ERBB4: variants seen among roughly 807,000 people sequenced by gnomAD.
The protein encoded by ERBB4 is receptor tyrosine-protein kinase erbB-4.
A neutral mutation model predicts 158.0 loss-of-function variants in ERBB4; 42 were observed. The observed-to-expected ratio is 0.27, with a 90% CI of 0.21 to 0.34. ERBB4 has a LOEUF of 0.34. Ranked by LOEUF, ERBB4 falls within the 10% of genes least tolerant of loss-of-function variation. The pLI is 1.00. For missense variants in ERBB4, 1,333 were observed against 1,624.1 expected (o/e 0.82, Z 3.08); for synonymous variants, 583 against 558.7 (o/e 1.04, Z -0.61).
rs79096827 is a variant in ERBB4 at position 211,759,539 on chromosome 2, T to C, written c.557-8835A>G. ...CCTGCTGTTCCTAGGACATACAAGG[T>C]TCACTCCCACTTAGGGTTCTTCTGT... On this transcript the variant is annotated intron_variant, in intron 4 of 27. Transcript: ENST00000342788. 9.6e-3 allele frequency among the ~76,000 whole-genome samples: 1,465 copies of C among 152,174 alleles called. 26 individuals are homozygous for C. The highest frequency in any genetic ancestry group is 0.033 in the African/African-American group (1,386 of 41,496).
chr2:212,309,653 A>G (rs2086951397), intron 1 of ERBB4, among the ~76,000 whole-genome samples: 2 of 150,756 alleles, frequency 1.3e-5, no homozygotes, highest in Admixed American at 6.6e-5. Flanking sequence ...TCAATAACCA[A>G]ATAACAATCA....
chr2:211,491,152 T>A (rs983899403), intron 20 of ERBB4, among the ~76,000 whole-genome samples: 1 of 152,120 alleles, frequency 6.6e-6, no homozygotes, highest in Non-Finnish European at 1.5e-5. Flanking sequence ...AAAGACTGAT[T>A]CTGAAAAACT....
At chr2:211,947,217 C>A (rs1007817510) in intron 3 of ERBB4, among the ~76,000 whole-genome samples, 1 of 152,058 alleles carries the variant, frequency 6.6e-6, no homozygotes, top group Non-Finnish European at 1.5e-5. Context: ...AGCTGAGATA[C>A]AGTATTATGG....
At chr2:212,184,605 T>C (rs1471805596) in intron 1 of ERBB4, among the ~76,000 whole-genome samples, 1 of 152,000 alleles carries the variant, frequency 6.6e-6, no homozygotes, top group Non-Finnish European at 1.5e-5. Context: ...AAGAGCTCAA[T>C]AGATTGAATA....
intron 1 of ERBB4, among the ~76,000 whole-genome samples, chr2:212,432,888 G>A (rs1454725597): frequency 6.6e-6 from 1 of 152,046 alleles, no homozygotes; most frequent in Non-Finnish European, 1.5e-5. Context: ...GGATAGTAAT[G>A]GCAGCCACAA....
intron 2 of ERBB4, among the ~76,000 whole-genome samples, chr2:212,055,987 G>A (rs1323854186): frequency 6.6e-6 from 1 of 152,174 alleles, no homozygotes; most frequent in Non-Finnish European, 1.5e-5. Context: ...TCTGAGCTAA[G>A]GGAGGAAGTC....
intron 16 of ERBB4, among the ~76,000 whole-genome samples, chr2:211,646,185 G>A (rs1321613390): frequency 6.6e-6 from 1 of 151,538 alleles, no homozygotes; most frequent in Non-Finnish European, 1.5e-5. Flanking sequence ...GTATTAGTAT[G>A]TAGAGAAATG....
chr2:211,400,406 A>G (rs1216344994), intron 25 of ERBB4, among the ~76,000 whole-genome samples: 1 of 152,156 alleles, frequency 6.6e-6, no homozygotes, highest in Non-Finnish European at 1.5e-5. Context: ...ATAAGCATAC[A>G]CTTTTTATAT....
chr2:212,351,333 C>T (rs1028506261), intron 1 of ERBB4, among the ~76,000 whole-genome samples: 3 of 152,116 alleles, frequency 2.0e-5, no homozygotes, highest in Non-Finnish European at 4.4e-5. Flanking sequence ...GACTTGTAGC[C>T]TCCAGAACTA....
chr2:212,060,959 TAATAAATAAATAAATA>T (rs58630259), intron 2 of ERBB4, among the ~76,000 whole-genome samples: 7 of 145,878 alleles, frequency 4.8e-5, no homozygotes, highest in Non-Finnish European at 6.0e-5. Context: ...TAAAGTATGA[TAATAAATAAATAAATA>T]AATAAATAAA....
chr2:211,700,238 T>C (rs1044455547), intron 12 of ERBB4, among the ~76,000 whole-genome samples: 1 of 152,152 alleles, frequency 6.6e-6, no homozygotes, highest in Non-Finnish European at 1.5e-5. Flanking sequence ...ACACACATAT[T>C]GTGATATGGG....
intron 1 of ERBB4, among the ~76,000 whole-genome samples, chr2:212,189,074 T>G (rs1414064847): frequency 8.8e-5 from 6 of 68,492 alleles, no homozygotes; most frequent in Non-Finnish European, 1.7e-4. Context: ...GATTTCTAAC[T>G]TTTTTTTTGG....
intron 1 of ERBB4, 89 bp downstream of exon 1, chr2:212,538,360 C>T: frequency 1.7e-6 from 2 of 1,186,352 alleles, no homozygotes; most frequent in East Asian, 2.3e-5. Flanking sequence ...CCACGCCTCC[C>T]GGGATGGGTG....
chr2:212,164,160 G>C (rs940589663), intron 1 of ERBB4, among the ~76,000 whole-genome samples: 1 of 151,808 alleles, frequency 6.6e-6, no homozygotes, highest in Non-Finnish European at 1.5e-5. Context: ...GTTAAAGTTA[G>C]ACACATATAG....
At chr2:212,134,090 C>T (rs1208042016) in intron 1 of ERBB4, among the ~76,000 whole-genome samples, 1 of 152,124 alleles carries the variant, frequency 6.6e-6, no homozygotes, top group Non-Finnish European at 1.5e-5. Context: ...ACTCAGCATA[C>T]ATTTCATCAT....
chr2:212,521,332 G>A (rs1157971047), intron 1 of ERBB4, among the ~76,000 whole-genome samples: 1 of 151,738 alleles, frequency 6.6e-6, no homozygotes, highest in Admixed American at 6.6e-5. Context: ...AAAAGGATTT[G>A]AGAAAACTGC....
At chr2:211,450,317 G>A (rs968522679) in intron 20 of ERBB4, among the ~76,000 whole-genome samples, 6 of 152,154 alleles carry the variant, frequency 3.9e-5, no homozygotes, top group African/African-American at 1.4e-4. Flanking sequence ...TATCTTAAGA[G>A]TGATAAAAGT....
At chr2:212,459,988 A>G (rs113765925) in intron 1 of ERBB4, among the ~76,000 whole-genome samples, 3,545 of 152,228 alleles carry the variant, frequency 0.023, 57 homozygotes, top group African/African-American at 0.045. Flanking sequence ...CCTGATGGGA[A>G]GTAACTGAAT....
chr2:212,423,940 A>C (rs13413335), intron 1 of ERBB4, among the ~76,000 whole-genome samples: 18,456 of 152,156 alleles, frequency 0.12, 1,237 homozygotes, highest in African/African-American at 0.19. Flanking sequence ...CCAAAAGTTT[A>C]TTATTAAAAC....
Sources: gnomAD v4.1 joint callset for allele counts (sites outside exome capture counted in the v4.1 genomes callset) on GRCh38, gnomAD v4.1.1 for gene constraint, MANE v1.5 for transcripts, NCBI Gene and HGNC (gene_info 2026-07-23, HGNC 2026-07-21) for gene names.